ABCC9: variants seen among roughly 807,000 people sequenced by gnomAD.
The protein encoded by ABCC9 is ATP binding cassette subfamily C member 9, also known as ATP-binding cassette sub-family C member 9.
In ABCC9, 95 loss-of-function variants were observed where a neutral mutation model predicts 188.3. The observed-to-expected ratio is 0.50, with a 90% CI of 0.43 to 0.60. ABCC9 has a LOEUF of 0.60. Ranked by LOEUF, ABCC9 falls within the 20% of genes least tolerant of loss-of-function variation. ABCC9 has a pLI of 0.00. For synonymous variants in ABCC9, 659 were observed against 652.7 expected (o/e 1.01, Z -0.15); for missense variants, 1,102 against 1,876.3 (o/e 0.59, Z 7.62).
At chr12:21,825,609 C>T (rs1018548651) in intron 31 of ABCC9, among the ~76,000 whole-genome samples, 2 of 138,584 alleles carry the variant, frequency 1.4e-5, no homozygotes, top group Middle Eastern at 3.8e-3. Context: ...CACATGGACA[C>T]AGGGAGGGGA....
chr12:21,863,464 G>A (rs1385568370), intron 19 of ABCC9, among the ~76,000 whole-genome samples: 1 of 151,940 alleles, frequency 6.6e-6, no homozygotes, highest in Non-Finnish European at 1.5e-5. Flanking sequence ...GATGTTAATT[G>A]ATACTGTAAT....
At chr12:21,904,459 T>A (rs3983518) in intron 12 of ABCC9, among the ~76,000 whole-genome samples, 151,862 of 152,302 alleles carry the variant, frequency 1, 75,715 homozygotes, top group Middle Eastern at 1. Flanking sequence ...GCTTCTGCAC[T>A]GCAAAAGAAA....
At position 21,936,517 on chromosome 12, in the gene ABCC9, A is replaced by AT. The variant is rs571187142; in HGVS notation, c.142+15dup. ...TAAACATCAAATGGTATAACATAAG[A>AT]TACTAGATTACTTACCAATAAACAA... On this transcript the variant is annotated intron_variant, in intron 3 of 39. Coordinates refer to ENST00000261200, the MANE Select transcript of ABCC9 (RefSeq NM_020297.4). The AT allele has an allele frequency of 7.1e-4, 1,143 of 1,601,692 alleles. 5 individuals are homozygous for AT. In the African/African-American group the frequency reaches 0.014, roughly 19 times the overall value.
intron 37 of ABCC9, 88 bp from the exon 38 acceptor site, chr12:21,807,567 T>TA (rs1031239492): frequency 1.2e-5 from 18 of 1,561,046 alleles, no homozygotes; most frequent in Non-Finnish European, 1.6e-5. Flanking sequence ...CATTATGTTG[T>TA]ATGACAGCAT....
intron 5 of ABCC9, among the ~76,000 whole-genome samples, chr12:21,919,347 C>T (rs1948719204): frequency 2.0e-5 from 3 of 151,722 alleles, no homozygotes; most frequent in Admixed American, 2.0e-4. Context: ...AGGCACTATC[C>T]CTGCATACCC....
intron 22 of ABCC9, among the ~76,000 whole-genome samples, chr12:21,858,418 A>T (rs1358795215): frequency 9.1e-5 from 13 of 142,736 alleles, no homozygotes; most frequent in Admixed American, 4.2e-4. Context: ...TACTAAAAAT[A>T]AAAAAAAAAA....
In ABCC9 at chr12:21,852,052, T is replaced by A. The variant is rs142382976; in HGVS notation, c.2769+45A>T. 37 of 1,610,432 alleles carry A rather than the reference T, an allele frequency of 2.3e-5. No homozygotes were observed. In the African/African-American group the frequency reaches 4.5e-4, roughly 20 times the overall value. On this transcript the variant is annotated intron_variant, in intron 24 of 39. Coordinates refer to ENST00000261200, the MANE Select transcript of ABCC9 (RefSeq NM_020297.4). ...TCTTAGTAATTAGTAAATTTCTAACTCTTCTGAATTGGGCTCTGAACTCTT... is the reference window on the plus strand; with the variant it reads ...TCTTAGTAATTAGTAAATTTCTAACACTTCTGAATTGGGCTCTGAACTCTT...
chr12:21,906,839 T>C (rs1323661380), intron 11 of ABCC9, among the ~76,000 whole-genome samples: 1 of 152,142 alleles, frequency 6.6e-6, no homozygotes, highest in Non-Finnish European at 1.5e-5. Flanking sequence ...GATTTCCACA[T>C]ACTTCTTTGT....
At chr12:21,831,416 G>T (rs780220564) in intron 30 of ABCC9, among the ~76,000 whole-genome samples, 9 of 152,072 alleles carry the variant, frequency 5.9e-5, no homozygotes, top group Non-Finnish European at 8.8e-5. Context: ...AGACACTGAG[G>T]ATATAGGAAC....
At chr12:21,921,079 A>G (rs749410935) in intron 5 of ABCC9, among the ~76,000 whole-genome samples, 3 of 152,062 alleles carry the variant, frequency 2.0e-5, no homozygotes, top group South Asian at 4.1e-4. Context: ...TCTTTTGGGT[A>G]TAGACCTAGG....
intron 30 of ABCC9, among the ~76,000 whole-genome samples, chr12:21,832,411 A>G (rs1943822682): frequency 6.6e-6 from 1 of 152,174 alleles, no homozygotes; most frequent in South Asian, 2.1e-4. Context: ...TCAATTCCTG[A>G]CCACAAGTAC....
chr12:21,845,919 C>T, intron 25 of ABCC9, 87 bp from the exon 26 acceptor site: 1 of 981,578 alleles, frequency 1.0e-6, no homozygotes, highest in Admixed American at 2.0e-5. Context: ...TATAAACATT[C>T]ATACATTTAT....
rs74067815 is a variant in ABCC9, at chr12:21,872,669, G to A, written c.2154C>T (p.Ile718=). Residue 718 remains isoleucine (I), a synonymous_variant, in exon 18 of 40, where the codon ATC becomes ATT. Transcript: ENST00000261200. ...CTTCCAATGTCTGCATCTCACCGAG[G>A]ATGGCAAGGAGAAGAGAGGACTTCC... ...GCGKSSLLLA[I]LGEMQTLEGK... is the part of the protein sequence containing the mutation. 80 of 1,613,846 alleles carry A rather than the reference G, an allele frequency of 5.0e-5. No homozygotes were observed. In the African/African-American group the frequency reaches 1.0e-3, roughly 20 times the overall value.
chr12:21,829,971 G>T (rs185293186), intron 30 of ABCC9, among the ~76,000 whole-genome samples: 1 of 152,180 alleles, frequency 6.6e-6, no homozygotes, highest in African/African-American at 2.4e-5. Flanking sequence ...TAGAGATGAC[G>T]GCAAATGCTC....
intron 4 of ABCC9, among the ~76,000 whole-genome samples, chr12:21,931,287 C>T (rs1949276070): frequency 6.6e-6 from 1 of 151,944 alleles, no homozygotes; most frequent in Non-Finnish European, 1.5e-5. Flanking sequence ...CTCTCTCCTG[C>T]CACCATATGA....
intron 18 of ABCC9, among the ~76,000 whole-genome samples, chr12:21,870,785 A>G (rs1052280765): frequency 3.3e-5 from 5 of 149,852 alleles, no homozygotes; most frequent in Admixed American, 1.3e-4. Context: ...AAACTCTACT[A>G]TGTTATTTTA....
intron 35 of ABCC9, among the ~76,000 whole-genome samples, chr12:21,812,821 A>C (rs550028505): frequency 2.0e-5 from 3 of 152,162 alleles, no homozygotes; most frequent in Admixed American, 6.5e-5. Context: ...CATGTTCTGC[A>C]CATGTACCCC....
At position 21,806,156 on chromosome 12, in the gene ABCC9, A is replaced by G. The variant is rs909712085; in HGVS notation, c.4450-96T>C. On this transcript the variant is annotated intron_variant, in intron 38 of 39. Coordinates refer to ENST00000261200, the MANE Select transcript of ABCC9 (RefSeq NM_020297.4). ...TCAATATTCCACTGAATCCCTTGTGAGCATTCTCAATCCCTCATTTTCTGT... is the reference window on the plus strand; with the variant it reads ...TCAATATTCCACTGAATCCCTTGTGGGCATTCTCAATCCCTCATTTTCTGT... 6 of 1,079,610 alleles carry G rather than the reference A, an allele frequency of 5.6e-6. No individual in the cohort carries two copies. The Admixed American group carries it at 7.7e-5, about 14-fold the overall frequency. 66.9% of individuals were successfully genotyped at this position (1,079,610 alleles called of 1,614,324 possible).
At chr12:21,937,026 G>A (rs927181108) in intron 2 of ABCC9, among the ~76,000 whole-genome samples, 1 of 151,808 alleles carries the variant, frequency 6.6e-6, no homozygotes, top group African/African-American at 2.4e-5. Flanking sequence ...TTAAGAAAAA[G>A]GAGAAAAAAA....
Sources: allele counts gnomAD v4.1 joint callset (sites outside exome capture counted in the v4.1 genomes callset), GRCh38; gene constraint gnomAD v4.1.1; transcripts MANE v1.5; gene names NCBI Gene and HGNC (gene_info 2026-07-23, HGNC 2026-07-21).